Variants in MKKS observed in about 807,000 individuals in gnomAD.
The protein encoded by MKKS is molecular chaperone MKKS.
MKKS carries 29 observed loss-of-function variants against 33.2 expected under a neutral mutation model. The observed-to-expected ratio is 0.87, with a 90% CI of 0.65 to 1.19. MKKS has a LOEUF of 1.19. Among genes scored for constraint, MKKS ranks in the 50% most tolerant of loss-of-function variants. The probability of loss-of-function intolerance (pLI) is 0.00; values close to 1 mark genes in which losing one functional copy is unlikely to be tolerated. For synonymous variants in MKKS, 260 were observed against 244.0 expected (o/e 1.07, Z -0.61); for missense variants, 661 against 662.3 (o/e 1.00, Z 0.02).
In MKKS at chr20:10,412,598, T is replaced by C. The variant is rs1412422841; in HGVS notation, c.917A>G (p.Asn306Ser). ...VIHPSLKQFL[N>S]MHRIIAIDRI... ...GTCTATGGCAATAATACGATGCATA[T>C]TGAGAAACTGCTTCAAAGATGGATG... Residue 306 changes from asparagine to serine, a missense_variant, in exon 3 of 6, where the codon AAT (asparagine) becomes AGT (serine). By Grantham distance (46) the Asn-to-Ser change is conservative. Transcript: ENST00000347364. 5.0e-6 allele frequency: 8 copies of C among 1,613,992 alleles called. No individual in the cohort carries two copies. In the Admixed American group the frequency reaches 5.0e-5, roughly 10 times the overall value.
intron 1 of MKKS, among the ~76,000 whole-genome samples, chr20:10,432,741 T>C (rs990949192): frequency 2.4e-5 from 3 of 127,102 alleles, no homozygotes; most frequent in African/African-American, 8.9e-5. Context: ...GGTTGCACAG[T>C]GAGCAGAGAT....
In MKKS at chr20:10,401,607, A is replaced by G. The variant is rs2064812256; in HGVS notation, c.*3640T>C. ...TAATTTTAAATAACCTGCATAATGT[A>G]TGTGATGGTAAACAACATTATTTTA... On this transcript the variant is annotated 3_prime_UTR_variant, in exon 6 of 6. Coordinates refer to ENST00000347364, the MANE Select transcript of MKKS (RefSeq NM_170784.3). The G allele has an allele frequency of 6.6e-6, 1 of 152,166 alleles. No homozygotes were observed. Among genetic ancestry groups the G allele is most frequent in the Non-Finnish European group, 1.5e-5 (1 of 68,014 alleles). The allele number at this position is 152,166 out of a possible 1,614,324, so 9.4% of individuals were successfully genotyped here.
intron 2 of MKKS, among the ~76,000 whole-genome samples, chr20:10,419,717 T>G (rs1229350416): frequency 6.6e-6 from 1 of 152,060 alleles, no homozygotes; most frequent in Admixed American, 6.6e-5. Context: ...TAACCCAGAG[T>G]GCTGCTAAGT....
Position 10,408,806 on chromosome 20 carries a change from A to G in MKKS, c.986-3T>C. 1 of 1,609,026 alleles carries G rather than the reference A, an allele frequency of 6.2e-7. No individual in the cohort carries two copies. Among genetic ancestry groups the G allele is most frequent in the Non-Finnish European group, 8.5e-7 (1 of 1,176,330 alleles). On this transcript the variant is annotated splice_region_variant and splice_polypyrimidine_tract_variant and intron_variant, in intron 3 of 5. Coordinates refer to ENST00000347364, the MANE Select transcript of MKKS (RefSeq NM_170784.3). ...TAGGGATCCAATAGGCTGTGTTCCT[A>G]TTTTTTAAAGATTAGAAAATACAAG... is the stretch of plus-strand genomic sequence containing the variant.
chr20:10,407,758 C>A (rs370383395), intron 4 of MKKS, 32 bp from the exon 5 acceptor site: 15 of 1,490,402 alleles, frequency 1.0e-5, no homozygotes, highest in Admixed American at 6.9e-5. Flanking sequence ...CAGAATCAGA[C>A]GTTCACATCA....
chr20:10,413,627 T>A lies in MKKS; in HGVS notation c.-113A>T, dbSNP rs192464547. On this transcript the variant is annotated 5_prime_UTR_variant, in exon 3 of 6. Coordinates refer to ENST00000347364, the MANE Select transcript of MKKS (RefSeq NM_170784.3). ...AAATTATTCTTTAGGAATTAAAGTA[T>A]GAATATGCAGCATTGTGGCTATAAA... 1 of 1,204,554 alleles carries A rather than the reference T, an allele frequency of 8.3e-7. No individual in the cohort carries two copies. The highest frequency in any genetic ancestry group is 1.2e-6 in the Non-Finnish European group (1 of 827,106). 74.6% of individuals were successfully genotyped at this position (1,204,554 alleles called of 1,614,324 possible).
At chr20:10,427,411 A>C (rs1194999716) in intron 1 of MKKS, among the ~76,000 whole-genome samples, 1 of 152,238 alleles carries the variant, frequency 6.6e-6, no homozygotes, top group Non-Finnish European at 1.5e-5. Flanking sequence ...CATGAGAAGA[A>C]CATTAGATAG....
intron 2 of MKKS, among the ~76,000 whole-genome samples, chr20:10,418,010 C>T (rs1188657173): frequency 6.6e-6 from 1 of 152,146 alleles, no homozygotes; most frequent in Non-Finnish European, 1.5e-5. Context: ...TTCCAACAAA[C>T]CACCTGAAAA....
At chr20:10,433,452 A>G (rs1295449728) in intron 1 of MKKS, among the ~76,000 whole-genome samples, 1 of 152,216 alleles carries the variant, frequency 6.6e-6, no homozygotes, top group African/African-American at 2.4e-5. Flanking sequence ...CTAACTCGGC[A>G]GTGCTGTAGA....
At chr20:10,428,806 T>C (rs1164150608) in intron 1 of MKKS, among the ~76,000 whole-genome samples, 1 of 151,914 alleles carries the variant, frequency 6.6e-6, no homozygotes, top group East Asian at 1.9e-4. Context: ...ATCGCGCCAT[T>C]GCACTCCAGC....
rs1419206410 is a variant in MKKS at position 10,413,580 on chromosome 20, C to A, written c.-66G>T. 1.3e-6 allele frequency: 2 copies of A among 1,523,840 alleles called. No individual in the cohort carries two copies. Among genetic ancestry groups the A allele is most frequent in the Non-Finnish European group, 1.8e-6 (2 of 1,101,522 alleles). 94.4% of individuals were successfully genotyped at this position (1,523,840 alleles called of 1,614,324 possible). A position where few individuals can be genotyped will look rare whatever the true frequency, so the allele number is the denominator to read the frequency against. Reference sequence around the variant, plus strand: ...GTAAACCACATTTTTCTATTTATTGCATTATCACGTTTTAACATTAAAAAT... The same window carrying A: ...GTAAACCACATTTTTCTATTTATTGAATTATCACGTTTTAACATTAAAAAT... On this transcript the variant is annotated 5_prime_UTR_variant, in exon 3 of 6. It removes an upstream start codon present in the reference 5' UTR. Transcript: ENST00000347364.
chr20:10,417,136 A>G (rs934663940), intron 2 of MKKS, among the ~76,000 whole-genome samples: 3 of 151,962 alleles, frequency 2.0e-5, no homozygotes, highest in African/African-American at 7.3e-5. Flanking sequence ...CTGTAATCCC[A>G]GTTACTCGGG....
rs79218784 is a variant in MKKS, at chr20:10,404,357, C to T, written c.*890G>A. 2.9e-3 allele frequency: 442 copies of T among 151,544 alleles called. 9 individuals are homozygous for T. In the East Asian group the frequency reaches 0.071, roughly 24 times the overall value. 9.4% of individuals were successfully genotyped at this position (151,544 alleles called of 1,614,324 possible). A position where few individuals can be genotyped will look rare whatever the true frequency, so the allele number is the denominator to read the frequency against. On this transcript the variant is annotated 3_prime_UTR_variant, in exon 6 of 6. Coordinates refer to ENST00000347364, the MANE Select transcript of MKKS (RefSeq NM_170784.3). Reference sequence around the variant, plus strand: ...CTCAACCAACAACAGTTTTGCTCTTCGGGGGACATTTGGCAATGTCTGGAA... The same window carrying T: ...CTCAACCAACAACAGTTTTGCTCTTTGGGGGACATTTGGCAATGTCTGGAA...
In MKKS at chr20:10,412,546, G is replaced by C. The variant is rs762646572; in HGVS notation, c.969C>G (p.Pro323=). ...GATTTTTACCTGTCATTTTAGTCAG[G>C]GGTTCCATCAGAGTCACTCCAATTC... ...IDRIGVTLME[P]LTKMTGTQPI... is the part of the protein sequence containing the mutation. Residue 323 remains proline (P), a synonymous_variant, in exon 3 of 6, where the codon CCC becomes CCG. Transcript: ENST00000347364. 3.1e-6 allele frequency: 5 copies of C among 1,613,844 alleles called. No individual in the cohort carries two copies. The highest frequency in any genetic ancestry group is 3.4e-6 in the Non-Finnish European group (4 of 1,179,986).
intron 1 of MKKS, among the ~76,000 whole-genome samples, 159 bp from the exon 2 acceptor site, chr20:10,420,917 G>A (rs1357259202): frequency 6.6e-6 from 1 of 152,082 alleles, no homozygotes; most frequent in Non-Finnish European, 1.5e-5. Flanking sequence ...TAAACAAAAA[G>A]AGACATGTCA....
intron 1 of MKKS, among the ~76,000 whole-genome samples, chr20:10,433,739 C>T (rs1194983765): frequency 6.6e-6 from 1 of 152,110 alleles, no homozygotes; most frequent in Non-Finnish European, 1.5e-5. Context: ...ACCCTCCAGA[C>T]AGTCAGGGGC....
intron 4 of MKKS, among the ~76,000 whole-genome samples, chr20:10,407,999 T>C (rs375201256): frequency 2.0e-5 from 3 of 152,290 alleles, no homozygotes; most frequent in African/African-American, 7.2e-5. Context: ...CTGAGACGAA[T>C]ATATGGCCTC....
chr20:10,413,787 T>C lies in MKKS; in HGVS notation c.-273A>G. 1.8e-6 allele frequency: 1 copy of C among 565,186 alleles called. No homozygotes were observed. The allele number at this position is 565,186 out of a possible 1,614,324, so 35.0% of individuals were successfully genotyped here. A position where few individuals can be genotyped will look rare whatever the true frequency, so the allele number is the denominator to read the frequency against. ...TTGAGACTGAAATTTTACAGACTGCTTTGCAGACCTCTGCAAAAAGTATGT... is the reference window on the plus strand; with the variant it reads ...TTGAGACTGAAATTTTACAGACTGCCTTGCAGACCTCTGCAAAAAGTATGT... On this transcript the variant is annotated 5_prime_UTR_variant, in exon 3 of 6. Transcript: ENST00000347364.
chr20:10,432,614 G>A (rs147897549), intron 1 of MKKS, among the ~76,000 whole-genome samples: 2 of 151,976 alleles, frequency 1.3e-5, no homozygotes, highest in Non-Finnish European at 1.5e-5. Flanking sequence ...CCAACATGGC[G>A]AAACACCATC....
Sources: gnomAD v4.1 joint callset for allele counts (sites outside exome capture counted in the v4.1 genomes callset) on GRCh38, gnomAD v4.1.1 for gene constraint, MANE v1.5 for transcripts, NCBI Gene and HGNC (gene_info 2026-07-23, HGNC 2026-07-21) for gene names.